YEATS4: variants seen among roughly 807,000 people sequenced by gnomAD.
The protein encoded by YEATS4 is YEATS domain containing 4.
Under a neutral mutation model 30.1 loss-of-function variants are expected in YEATS4, and 17 were observed. The observed-to-expected ratio is 0.56, with a 90% CI of 0.39 to 0.85. The LOEUF is 0.85. Among genes scored for constraint, YEATS4 ranks in the 40% least tolerant of loss-of-function variants. The pLI is 0.00. For missense variants in YEATS4, 142 were observed against 268.3 expected (o/e 0.53, Z 3.29); for synonymous variants, 85 against 87.5 (o/e 0.97, Z 0.16).
At chr12:69,425,901 T>G in the YEATS4 span, among the ~76,000 whole-genome samples, 1 of 152,204 alleles carries the variant, frequency 6.6e-6, no homozygotes, top group Non-Finnish European at 1.5e-5. Context: ...CCTGACTGAC[T>G]TCCTTTTTAC....
At chr12:69,364,875 C>G (rs1402041069) in intron 2 of YEATS4, among the ~76,000 whole-genome samples, 1 of 152,110 alleles carries the variant, frequency 6.6e-6, no homozygotes, top group Non-Finnish European at 1.5e-5. Flanking sequence ...CTGCCTTGGC[C>G]TCCCAAAGTG....
chr12:69,403,429 T>C, the YEATS4 span, among the ~76,000 whole-genome samples: 1 of 151,764 alleles, frequency 6.6e-6, no homozygotes, highest in African/African-American at 2.4e-5. Flanking sequence ...ATACCAAAAT[T>C]AGCCAGGCGT....
At position 69,359,788 on chromosome 12, in the gene YEATS4, A is replaced by G. The variant is rs556184729; in HGVS notation, c.-185A>G. Reference sequence around the variant, plus strand: ...ACCTGCGCGGGCCTGAATGGCCTTCAGGAGCACAGTCGGCCTGAGGAGTTG... The same window carrying G: ...ACCTGCGCGGGCCTGAATGGCCTTCGGGAGCACAGTCGGCCTGAGGAGTTG... On this transcript the variant is annotated 5_prime_UTR_variant, in exon 1 of 7. Transcript: ENST00000247843. The G allele has an allele frequency of 6.1e-6, 4 of 657,072 alleles. No individual in the cohort carries two copies. The highest frequency in any genetic ancestry group is 1.0e-5 in the Non-Finnish European group (4 of 396,632). The allele number at this position is 657,072 out of a possible 1,614,324, so 40.7% of individuals were successfully genotyped here. A position where few individuals can be genotyped will look rare whatever the true frequency, so the allele number is the denominator to read the frequency against.
chr12:69,360,059 C>T lies in YEATS4; in HGVS notation c.51+36C>T, dbSNP rs1015763833. 5 of 1,605,832 alleles carry T rather than the reference C, an allele frequency of 3.1e-6. No homozygotes were observed. In the African/African-American group the frequency reaches 4.0e-5, roughly 13 times the overall value. ...GGACCGCCCCTCTTCCGGGGTGGCT[C>T]TCCCGCCTCGGTTCCTCCCTGCGCG... On this transcript the variant is annotated intron_variant, in intron 1 of 6. Transcript: ENST00000247843.
At chr12:69,421,457 T>C in the YEATS4 span, among the ~76,000 whole-genome samples, 16 of 152,288 alleles carry the variant, frequency 1.1e-4, no homozygotes, top group African/African-American at 3.8e-4. Flanking sequence ...TGCAAATTCG[T>C]ATTCACATGT....
intron 1 of YEATS4, among the ~76,000 whole-genome samples, chr12:69,362,021 T>TTTTTTTGTTTG (rs1565673760): frequency 3.5e-5 from 5 of 142,816 alleles, no homozygotes; most frequent in Non-Finnish European, 7.7e-5. Context: ...TTGTTTTTTT[T>TTTTTTTGTTTG]TTTTTTTTTT....
intron 4 of YEATS4, 32 bp downstream of exon 4, chr12:69,365,916 T>G (rs755871267): frequency 1.4e-6 from 2 of 1,438,698 alleles, no homozygotes; most frequent in South Asian, 1.3e-5. Flanking sequence ...AAATATAAAA[T>G]AGATTTCTTA....
In YEATS4 at chr12:69,375,577, G is replaced by A. The variant is rs569660272; in HGVS notation, c.514+4602G>A. On this transcript the variant is annotated intron_variant, in intron 6 of 6. Coordinates refer to ENST00000247843, the MANE Select transcript of YEATS4 (RefSeq NM_006530.4). ...GGCTGGGAGATGGAGGTTGTAGCGAGCAGAGATCACGCCACTGCACTCCAG... is the reference window on the plus strand; with the variant it reads ...GGCTGGGAGATGGAGGTTGTAGCGAACAGAGATCACGCCACTGCACTCCAG... Among the ~76,000 whole-genome samples the A allele has an allele frequency of 3.9e-5, 6 of 152,322 alleles. No individual in the cohort carries two copies. In the East Asian group the frequency reaches 1.2e-3, roughly 29 times the overall value.
chr12:69,402,729 T>C, the YEATS4 span, among the ~76,000 whole-genome samples: 2 of 147,594 alleles, frequency 1.4e-5, no homozygotes. Context: ...TCTTTTCTTT[T>C]TTTTTTTTTT....
chr12:69,420,336 A>T, the YEATS4 span, among the ~76,000 whole-genome samples: 3 of 151,760 alleles, frequency 2.0e-5, no homozygotes, highest in East Asian at 3.9e-4. Context: ...AAGGAAGGGG[A>T]TGTGCAAAGG....
At chr12:69,392,843 TTGTC>T (rs1290046513), downstream of YEATS4, among the ~76,000 whole-genome samples, 4 of 152,220 alleles carry the variant, frequency 2.6e-5, no homozygotes, top group Non-Finnish European at 4.4e-5. Context: ...GCATTTTTAA[TTGTC>T]TGTTGCTCAT....
the YEATS4 span, among the ~76,000 whole-genome samples, chr12:69,416,682 A>G: frequency 1.3e-5 from 2 of 152,208 alleles, no homozygotes; most frequent in African/African-American, 4.8e-5. Context: ...CAAGGCATCT[A>G]TGACAGGCTA....
At chr12:69,364,745 G>T in intron 2 of YEATS4, among the ~76,000 whole-genome samples, 1 of 152,066 alleles carries the variant, frequency 6.6e-6, no homozygotes, top group East Asian at 1.9e-4. Context: ...TCAGCCTCCT[G>T]AGTAGCTGGG....
chr12:69,402,826 T>G, the YEATS4 span, among the ~76,000 whole-genome samples: 1 of 150,128 alleles, frequency 6.7e-6, no homozygotes, highest in Non-Finnish European at 1.5e-5. Context: ...CCTGGGCTCA[T>G]GCAATTCTGC....
At chr12:69,425,170 G>A in the YEATS4 span, among the ~76,000 whole-genome samples, 7 of 152,048 alleles carry the variant, frequency 4.6e-5, no homozygotes, top group East Asian at 9.7e-4. Context: ...TGATCTGTCC[G>A]CCTCGGCCTC....
At chr12:69,424,941 C>T in the YEATS4 span, among the ~76,000 whole-genome samples, 1 of 152,068 alleles carries the variant, frequency 6.6e-6, no homozygotes, top group Non-Finnish European at 1.5e-5. Flanking sequence ...TATTTTGAGA[C>T]GGAGTTTTGC....
the YEATS4 span, among the ~76,000 whole-genome samples, chr12:69,413,936 A>C: frequency 6.6e-6 from 1 of 152,108 alleles, no homozygotes; most frequent in African/African-American, 2.4e-5. Flanking sequence ...TCCTGCTTAC[A>C]TTTCCATCAA....
the YEATS4 span, among the ~76,000 whole-genome samples, chr12:69,426,522 C>T: frequency 6.6e-6 from 1 of 152,156 alleles, no homozygotes; most frequent in Admixed American, 6.5e-5. Flanking sequence ...AGGTGCCTGC[C>T]ACTATGCCTG....
At chr12:69,379,875 C>T (rs958585707) in intron 6 of YEATS4, among the ~76,000 whole-genome samples, 1 of 152,090 alleles carries the variant, frequency 6.6e-6, no homozygotes, top group Non-Finnish European at 1.5e-5. Context: ...ATCAGTTCTG[C>T]TATTAAGTGA....
Sources: gnomAD v4.1 joint callset for allele counts (sites outside exome capture counted in the v4.1 genomes callset) on GRCh38, gnomAD v4.1.1 for gene constraint, MANE v1.5 for transcripts, NCBI Gene and HGNC (gene_info 2026-07-23, HGNC 2026-07-21) for gene names.